Variants in CSMD1 observed in about 807,000 individuals in gnomAD.
CSMD1 encodes the protein CUB and Sushi multiple domains 1.
In CSMD1, 213 loss-of-function variants were observed where a neutral mutation model predicts 417.5. The ratio of observed to expected loss-of-function variants is 0.51; its 90% confidence interval spans 0.46 to 0.57. The LOEUF is 0.57. CSMD1 is among the 20% of genes least tolerant of loss of function. The pLI is 0.00. For missense variants in CSMD1, 6,923 were observed against 4,529.7 expected, an observed-to-expected ratio of 1.53 and a Z score of -15.17; for synonymous variants, 2,862 against 1,736.8, an observed-to-expected ratio of 1.65 and a Z score of -16.11.
intron 1 of CSMD1, among the ~76,000 whole-genome samples, chr8:4,758,977 G>A (rs908386351): frequency 2.7e-5 from 4 of 150,608 alleles, no homozygotes; most frequent in Non-Finnish European, 4.4e-5. Flanking sequence ...AGAGTGAAGT[G>A]CATTGCATGA....
At chr8:3,680,231 A>C (rs1799579871) in intron 7 of CSMD1, among the ~76,000 whole-genome samples, 1 of 152,162 alleles carries the variant, frequency 6.6e-6, no homozygotes, top group Non-Finnish European at 1.5e-5. Flanking sequence ...CCCTTCAAAA[A>C]ATCGATGAAT....
chr8:3,044,363 TC>T (rs141206488), intron 50 of CSMD1, among the ~76,000 whole-genome samples: 21,059 of 152,206 alleles, frequency 0.14, 1,759 homozygotes, highest in African/African-American at 0.24. Flanking sequence ...TATACGTTGT[TC>T]TTTACTTTGT....
At chr8:3,746,456 T>C (rs1489165884) in intron 6 of CSMD1, among the ~76,000 whole-genome samples, 2 of 152,216 alleles carry the variant, frequency 1.3e-5, no homozygotes, top group Admixed American at 6.5e-5. Context: ...AGTGGTTTTA[T>C]ATATAACAGT....
chr8:4,965,671 C>G (rs78638484), intron 1 of CSMD1, among the ~76,000 whole-genome samples: 2,815 of 152,282 alleles, frequency 0.018, 78 homozygotes, highest in African/African-American at 0.063. Context: ...TGCTCTTAGT[C>G]TCCCATAAGG....
rs976210913 is a variant in CSMD1, at chr8:2,973,217, A to G, written c.8823T>C (p.Leu2941=). 2 of 1,613,872 alleles carry G rather than the reference A, an allele frequency of 1.2e-6. No individual in the cohort carries two copies. Among genetic ancestry groups the G allele is most frequent in the Non-Finnish European group, 1.7e-6 (2 of 1,179,842 alleles). ...GCCCCATTTCACAGGAGAAGCGGAG[A>G]AGACTCTTTGTCTTAAAGTCATCAC... ...RLGDDFKTKS[L]LRFSCEMGHQ... The change falls in exon 57 of 70, where the codon CTT becomes CTC. Residue 2941 remains leucine (L), a synonymous_variant. Coordinates refer to ENST00000635120, the MANE Select transcript of CSMD1 (RefSeq NM_033225.6).
At chr8:4,179,484 A>G (rs1798235691) in intron 3 of CSMD1, among the ~76,000 whole-genome samples, 1 of 151,280 alleles carries the variant, frequency 6.6e-6, no homozygotes, top group African/African-American at 2.4e-5. Context: ...CCTAGAAGAA[A>G]ACCTAGGCAT....
chr8:4,033,398 C>A (rs1201529156), intron 3 of CSMD1, among the ~76,000 whole-genome samples: 3 of 152,138 alleles, frequency 2.0e-5, no homozygotes, highest in Admixed American at 6.5e-5. Flanking sequence ...GCCGAGATCG[C>A]ACCACTGCAC....
chr8:4,833,990 A>T (rs141651533), intron 1 of CSMD1, among the ~76,000 whole-genome samples: 1 of 152,178 alleles, frequency 6.6e-6, no homozygotes, highest in Non-Finnish European at 1.5e-5. Context: ...CTCTCACAGG[A>T]CCCCATTTTT....
At chr8:3,621,674 C>A (rs1042467420) in intron 7 of CSMD1, among the ~76,000 whole-genome samples, 2 of 151,974 alleles carry the variant, frequency 1.3e-5, no homozygotes, top group African/African-American at 2.4e-5. Context: ...CTCACTGCAG[C>A]CTTCGTCTTC....
At chr8:3,379,249 G>A (rs1169530679) in intron 18 of CSMD1, among the ~76,000 whole-genome samples, 1 of 152,032 alleles carries the variant, frequency 6.6e-6, no homozygotes, top group Admixed American at 6.6e-5. Context: ...AATAAGAGAG[G>A]ACACAAACAA....
intron 1 of CSMD1, among the ~76,000 whole-genome samples, chr8:4,985,432 A>G (rs1811128403): frequency 6.6e-6 from 1 of 152,216 alleles, no homozygotes; most frequent in Admixed American, 6.5e-5. Context: ...TTACAGTTAT[A>G]CTGAACTGAG....
At chr8:4,841,663 C>A (rs935059914) in intron 1 of CSMD1, among the ~76,000 whole-genome samples, 2 of 152,112 alleles carry the variant, frequency 1.3e-5, no homozygotes, top group South Asian at 4.2e-4. Context: ...GTAATCCCAG[C>A]CGTTTGGGAG....
chr8:3,755,123 C>G (rs906053511), intron 5 of CSMD1, among the ~76,000 whole-genome samples: 7 of 152,134 alleles, frequency 4.6e-5, no homozygotes, highest in Non-Finnish European at 1.0e-4. Context: ...AAAAGCATTC[C>G]AAGATATTAA....
At chr8:4,557,640 A>G (rs1180057177) in intron 2 of CSMD1, among the ~76,000 whole-genome samples, 1 of 152,022 alleles carries the variant, frequency 6.6e-6, no homozygotes, top group Non-Finnish European at 1.5e-5. Flanking sequence ...CCAGAACAGA[A>G]AGGAAGGATG....
At chr8:3,427,720 G>A (rs1443761499) in intron 12 of CSMD1, among the ~76,000 whole-genome samples, 5 of 152,212 alleles carry the variant, frequency 3.3e-5, no homozygotes, top group African/African-American at 9.6e-5. Flanking sequence ...CCATGGAAAT[G>A]TAAAAGTAAC....
chr8:4,050,847 G>C (rs909447872), intron 3 of CSMD1, among the ~76,000 whole-genome samples: 1 of 152,118 alleles, frequency 6.6e-6, no homozygotes, highest in Admixed American at 6.6e-5. Flanking sequence ...TTTTAGAGAA[G>C]ATTCTGGATC....
chr8:4,302,427 A>G (rs943944239), intron 3 of CSMD1, among the ~76,000 whole-genome samples: 7 of 152,198 alleles, frequency 4.6e-5, no homozygotes, highest in Admixed American at 3.9e-4. Flanking sequence ...CTTTCATCCC[A>G]TAGTGAAGGT....
Position 4,834,852 on chromosome 8 carries a change from G to C in CSMD1, c.85+159480C>G, listed in dbSNP as rs1329049882. 2.0e-5 allele frequency among the ~76,000 whole-genome samples: 3 copies of C among 149,918 alleles called. No individual in the cohort carries two copies. The East Asian group carries it at 6.1e-4, about 31-fold the overall frequency. ...GGCGCCTGTAATCCCAGCTACTTGGGAGGCTGAGGCAGGAGAAAGGCGGAA... is the reference window on the plus strand; with the variant it reads ...GGCGCCTGTAATCCCAGCTACTTGGCAGGCTGAGGCAGGAGAAAGGCGGAA... On this transcript the variant is annotated intron_variant, in intron 1 of 69. Transcript: ENST00000635120.
chr8:4,911,949 C>T (rs1805704195), intron 1 of CSMD1, among the ~76,000 whole-genome samples: 1 of 151,606 alleles, frequency 6.6e-6, no homozygotes, highest in African/African-American at 2.4e-5. Flanking sequence ...CTATTTTAAG[C>T]CCCACCCAGA....
Sources: allele counts gnomAD v4.1 joint callset (sites outside exome capture counted in the v4.1 genomes callset), GRCh38; gene constraint gnomAD v4.1.1; transcripts MANE v1.5; gene names NCBI Gene and HGNC (gene_info 2026-07-23, HGNC 2026-07-21).